The following SEL1L2 variants were observed in gnomAD, a reference collection of about 807,000 sequenced individuals.
SEL1L2 encodes the protein SEL1L2 adaptor subunit of SYVN1 ubiquitin ligase.
SEL1L2 carries 89 observed loss-of-function variants against 98.8 expected under a neutral mutation model. The ratio of observed to expected loss-of-function variants is 0.90; its 90% confidence interval spans 0.76 to 1.07. SEL1L2 has a LOEUF of 1.07. SEL1L2 is among the 50% of genes least tolerant of loss of function. The probability of loss-of-function intolerance (pLI) is 0.00; values close to 1 mark genes in which losing one functional copy is unlikely to be tolerated. For synonymous variants in SEL1L2, 262 were observed against 278.5 expected, an observed-to-expected ratio of 0.94 and a Z score of 0.59; for missense variants, 788 against 812.0, an observed-to-expected ratio of 0.97 and a Z score of 0.36.
intron 9 of SEL1L2, among the ~76,000 whole-genome samples, chr20:13,885,773 C>T (rs1006100487): frequency 3.3e-5 from 5 of 152,172 alleles, no homozygotes; most frequent in East Asian, 3.9e-4. Flanking sequence ...CAGTGGCTCA[C>T]GCCTGTAATC....
intron 2 of SEL1L2, among the ~76,000 whole-genome samples, chr20:13,944,180 A>G (rs938687980): frequency 2.0e-5 from 3 of 152,204 alleles, no homozygotes; most frequent in African/African-American, 4.8e-5. Flanking sequence ...ATGGAGGCCA[A>G]CGTGACTGGA....
intron 12 of SEL1L2, among the ~76,000 whole-genome samples, chr20:13,875,744 A>G (rs1263008071): frequency 1.3e-5 from 2 of 152,200 alleles, no homozygotes; most frequent in Admixed American, 1.3e-4. Flanking sequence ...AGATGGCCTC[A>G]TCTACTGCAT....
At chr20:13,858,461 C>T (rs1989516098) in intron 18 of SEL1L2, among the ~76,000 whole-genome samples, 1 of 152,106 alleles carries the variant, frequency 6.6e-6, no homozygotes, top group African/African-American at 2.4e-5. Flanking sequence ...AATGACATAA[C>T]CTCTCTGCGC....
chr20:13,956,166 A>G, intron 1 of SEL1L2, 35 bp from the exon 2 acceptor site: 4 of 1,154,510 alleles, frequency 3.5e-6, no homozygotes, highest in Non-Finnish European at 4.9e-6. Context: ...AAAATTTAAA[A>G]GCATTTTCTT....
At chr20:13,991,822 G>A (rs149497487), upstream of SEL1L2, among the ~76,000 whole-genome samples, 268 of 152,166 alleles carry the variant, frequency 1.8e-3, 1 homozygote, top group African/African-American at 5.8e-3. Flanking sequence ...GCGAAACCCC[G>A]TGTCTACTAA....
chr20:13,849,999 A>G lies in SEL1L2; in HGVS notation c.1947+192T>C, dbSNP rs561417635. 12 of 611,278 alleles carry G rather than the reference A, an allele frequency of 2.0e-5. No homozygotes were observed. In the East Asian group the frequency reaches 2.6e-4, roughly 13 times the overall value. 37.9% of individuals were successfully genotyped at this position (611,278 alleles called of 1,614,324 possible). ...TCTGCTGAATGAATTAATTGCTTATACTCTGAAGTGTCAACACATACTCAA... is the reference window on the plus strand; with the variant it reads ...TCTGCTGAATGAATTAATTGCTTATGCTCTGAAGTGTCAACACATACTCAA... On this transcript the variant is annotated intron_variant, in intron 19 of 19. Coordinates refer to ENST00000284951, the MANE Select transcript of SEL1L2 (RefSeq NM_025229.2).
At chr20:13,980,471 G>A (rs1279568120) in intron 1 of SEL1L2, among the ~76,000 whole-genome samples, 1 of 152,152 alleles carries the variant, frequency 6.6e-6, no homozygotes, top group East Asian at 1.9e-4. Flanking sequence ...GCCTCCCAGA[G>A]TGCTGGGATT....
chr20:13,961,167 G>A (rs1184406781), intron 1 of SEL1L2, among the ~76,000 whole-genome samples: 1 of 152,132 alleles, frequency 6.6e-6, no homozygotes, highest in Non-Finnish European at 1.5e-5. Context: ...TTCAAATGCA[G>A]GTCTGACTCC....
At position 13,883,812 on chromosome 20, in the gene SEL1L2, G is replaced by A. The variant is rs78162887; in HGVS notation, c.957+1535C>T. On this transcript the variant is annotated intron_variant, in intron 10 of 19. Transcript: ENST00000284951. ...TCTTCCCTACAGCTGAAGCTAGGAT[G>A]CCCTCACATCCAAATTTCATGTTTA... Among the ~76,000 whole-genome samples the A allele has an allele frequency of 2.2e-4, 33 of 152,326 alleles. No homozygotes were observed. The East Asian group carries it at 6.4e-3, about 29-fold the overall frequency.
intron 11 of SEL1L2, among the ~76,000 whole-genome samples, chr20:13,877,115 G>A (rs1176717145): frequency 2.0e-5 from 3 of 152,086 alleles, no homozygotes; most frequent in South Asian, 2.1e-4. Flanking sequence ...GTGAGCCACC[G>A]TGCCCGGCCA....
chr20:13,876,731 A>G (rs556222386), intron 11 of SEL1L2, among the ~76,000 whole-genome samples: 1 of 152,310 alleles, frequency 6.6e-6, no homozygotes, highest in African/African-American at 2.4e-5. Flanking sequence ...TGCTCAACCA[A>G]CCTGGATCTC....
At chr20:13,982,508 C>CAAAA (rs10713892) in intron 1 of SEL1L2, among the ~76,000 whole-genome samples, 2 of 67,670 alleles carry the variant, frequency 3.0e-5, no homozygotes, top group South Asian at 5.1e-4. Context: ...GAGACTCTGC[C>CAAAA]AAAAAAAAAA....
rs773756757 is a variant in SEL1L2 at position 13,876,086 on chromosome 20, C to T, written c.1056G>A (p.Pro352=). The change falls in exon 12 of 20, where the codon CCG becomes CCA. Residue 352 remains proline (P), a synonymous_variant. Transcript: ENST00000284951. ...KMYLEGNAAV[P]QNNATAFKYF... ...ACTTGAAGGCAGTAGCGTTATTTTG[C>T]GGCACGGCAGCATTCCCCTCTAAAT... is the stretch of plus-strand genomic sequence containing the variant. The T allele has an allele frequency of 3.7e-6, 6 of 1,613,594 alleles. No individual in the cohort carries two copies. The highest frequency in any genetic ancestry group is 1.7e-5 in the Admixed American group (1 of 59,984).
At chr20:13,921,284 T>C (rs534122701) in intron 3 of SEL1L2, among the ~76,000 whole-genome samples, 1 of 152,324 alleles carries the variant, frequency 6.6e-6, no homozygotes, top group East Asian at 1.9e-4. Context: ...GTGATTCTCA[T>C]GCCTCAGCCT....
intron 5 of SEL1L2, among the ~76,000 whole-genome samples, chr20:13,908,100 GTTCTTTTT>G (rs2048048864): frequency 3.1e-5 from 2 of 64,136 alleles, no homozygotes; most frequent in African/African-American, 5.7e-5. Context: ...CAATTTCTTG[GTTCTTTTT>G]TTTTTTTTTT....
chr20:13,989,001 G>A (rs565917754), intron 1 of SEL1L2, among the ~76,000 whole-genome samples: 7 of 152,162 alleles, frequency 4.6e-5, no homozygotes, highest in South Asian at 2.1e-4. Flanking sequence ...CAACAAGAGC[G>A]AAACTCCATC....
At chr20:13,977,676 GTATT>G (rs1453988210) in intron 1 of SEL1L2, among the ~76,000 whole-genome samples, 1 of 152,150 alleles carries the variant, frequency 6.6e-6, no homozygotes, top group Non-Finnish European at 1.5e-5. Flanking sequence ...TGATGCATGA[GTATT>G]TATGTGTTCT....
At chr20:13,918,880 A>G (rs955462468) in intron 4 of SEL1L2, 141 bp downstream of exon 4, 10 of 608,268 alleles carry the variant, frequency 1.6e-5, no homozygotes, top group African/African-American at 1.3e-4. Context: ...ACACAATTTG[A>G]TCCTTTTAAA....
chr20:13,867,271 G>A (rs1406417342), intron 14 of SEL1L2, among the ~76,000 whole-genome samples: 1 of 152,118 alleles, frequency 6.6e-6, no homozygotes, highest in Non-Finnish European at 1.5e-5. Flanking sequence ...GGCGTATGCA[G>A]CAGGTAAATC....
Sources: allele counts gnomAD v4.1 joint callset (sites outside exome capture counted in the v4.1 genomes callset), GRCh38; gene constraint gnomAD v4.1.1; transcripts MANE v1.5; gene names NCBI Gene and HGNC (gene_info 2026-07-23, HGNC 2026-07-21).